VWDE: variants seen among roughly 807,000 people sequenced by gnomAD.
VWDE encodes the protein von Willebrand factor D and EGF domains, also known as von Willebrand factor D and EGF domain-containing protein.
Under a neutral mutation model 178.4 loss-of-function variants are expected in VWDE, and 207 were observed. That is an observed-to-expected ratio of 1.16 (90% CI 1.04 to 1.30). The LOEUF (loss-of-function observed/expected upper bound fraction) is 1.30, where lower values mean the gene tolerates loss of function less well. VWDE is among the 50% of genes most tolerant of loss of function. VWDE has a pLI of 0.00. For synonymous variants in VWDE, 738 were observed against 651.4 expected (o/e 1.13, Z -2.02); for missense variants, 2,287 against 1,901.3 (o/e 1.20, Z -3.77).
rs147468200 is a variant in VWDE at position 12,331,660 on chromosome 7, T to C, written c.4759-463A>G. Among the ~76,000 whole-genome samples, 227 of 152,218 alleles carry C rather than the reference T, an allele frequency of 1.5e-3. 1 individual carries two copies. Among genetic ancestry groups the C allele is most frequent in the African/African-American group, 5.1e-3 (211 of 41,546 alleles). ...CACCACTCTAGGTACTTCACATATA[T>C]TAACATATTTAATCCTTACAATAAG... On this transcript the variant is annotated intron_variant, in intron 28 of 28. Coordinates refer to ENST00000275358, the MANE Select transcript of VWDE (RefSeq NM_001135924.3).
chr7:12,380,813 T>C, intron 4 of VWDE, 80 bp from the exon 5 acceptor site: 1 of 1,461,076 alleles, frequency 6.8e-7, no homozygotes, highest in Non-Finnish European at 9.1e-7. Context: ...TCAAAGACTA[T>C]AACTCTGTGG....
chr7:12,338,759 C>T (rs73292378), intron 24 of VWDE, among the ~76,000 whole-genome samples: 2,365 of 152,170 alleles, frequency 0.016, 52 homozygotes, highest in African/African-American at 0.054. Context: ...ATGTGAAATC[C>T]AAGAGGTGAA....
intron 6 of VWDE, 111 bp downstream of exon 6, chr7:12,379,366 C>A: frequency 4.6e-6 from 3 of 648,274 alleles, no homozygotes; most frequent in South Asian, 3.9e-5. Flanking sequence ...TGGGTCTCAA[C>A]ATTCCGATTC....
intron 10 of VWDE, 23 bp from the exon 11 acceptor site, chr7:12,370,887 G>T (rs1783159419): frequency 3.4e-6 from 5 of 1,468,986 alleles, no homozygotes; most frequent in Non-Finnish European, 4.5e-6. Context: ...AATAAATACA[G>T]AAATAAAAGA....
chr7:12,368,834 G>C (rs1783001236), intron 12 of VWDE, among the ~76,000 whole-genome samples: 1 of 152,092 alleles, frequency 6.6e-6, no homozygotes, highest in Non-Finnish European at 1.5e-5. Context: ...TTTGAAGCTG[G>C]AGCTGGATTT....
chr7:12,395,458 C>A (rs902254381), intron 1 of VWDE, among the ~76,000 whole-genome samples: 1 of 152,096 alleles, frequency 6.6e-6, no homozygotes, highest in Non-Finnish European at 1.5e-5. Context: ...CCTTACTCAG[C>A]ACCTTTGTAG....
intron 16 of VWDE, among the ~76,000 whole-genome samples, 176 bp downstream of exon 16, chr7:12,359,402 T>C (rs1342033698): frequency 6.6e-6 from 1 of 152,202 alleles, no homozygotes; most frequent in Non-Finnish European, 1.5e-5. Context: ...AATCCTTTCC[T>C]AATCAAATAT....
chr7:12,337,311 A>G (rs1781097355), intron 24 of VWDE, 39 bp from the exon 25 acceptor site: 2 of 1,467,064 alleles, frequency 1.4e-6, no homozygotes, highest in East Asian at 2.5e-5. Flanking sequence ...AATATTACAC[A>G]TCCCATTACT....
rs6967241 is a variant in VWDE, at chr7:12,379,482, A to T, written c.874T>A (p.Phe292Ile). ...AIESQEFFAG[F>I]KLQPELSTIS... Reference sequence around the variant, plus strand: ...GCATCCCCACTGCTGCGTACCTTAAAGCCTGCAAAAAATTCTTGGCTTTCG... The same window carrying T: ...GCATCCCCACTGCTGCGTACCTTAATGCCTGCAAAAAATTCTTGGCTTTCG... Residue 292 changes from phenylalanine to isoleucine, a missense_variant, in exon 6 of 29, where the codon TTT (phenylalanine) becomes ATT (isoleucine). Phe to Ile is a conservative substitution (Grantham distance 21). Coordinates refer to ENST00000275358, the MANE Select transcript of VWDE (RefSeq NM_001135924.3). 0.69 allele frequency: 1,065,287 copies of T among 1,546,690 alleles called. 369,841 individuals are homozygous for T. Among genetic ancestry groups the T allele is most frequent in the Non-Finnish European group, 0.71 (807,183 of 1,143,932 alleles).
At chr7:12,359,816 C>T (rs530945923) in intron 15 of VWDE, 124 bp from the exon 16 acceptor site, 17 of 571,588 alleles carry the variant, frequency 3.0e-5, no homozygotes, top group African/African-American at 1.1e-4. Flanking sequence ...TATTTTGATA[C>T]TTCATAATCG....
chr7:12,399,695 C>G (rs1051549809), intron 1 of VWDE, among the ~76,000 whole-genome samples: 5 of 152,122 alleles, frequency 3.3e-5, no homozygotes, highest in African/African-American at 9.6e-5. Context: ...TAAATTTAAA[C>G]AGAAAGCTGG....
intron 15 of VWDE, among the ~76,000 whole-genome samples, chr7:12,360,105 A>C (rs1287058000): frequency 6.6e-6 from 1 of 152,120 alleles, no homozygotes; most frequent in Non-Finnish European, 1.5e-5. Context: ...CTAGCAGCCC[A>C]CTGTGTTCTG....
intron 12 of VWDE, among the ~76,000 whole-genome samples, chr7:12,368,472 G>A (rs539423281): frequency 6.6e-6 from 1 of 152,192 alleles, no homozygotes; most frequent in East Asian, 1.9e-4. Context: ...AGAGGGAGCA[G>A]TGAGTGCAAA....
chr7:12,343,159 A>T lies in VWDE; in HGVS notation c.4098T>A (p.Cys1366Ter). The T allele has an allele frequency of 1.3e-6, 2 of 1,549,510 alleles. No homozygotes were observed. Among genetic ancestry groups the T allele is most frequent in the Non-Finnish European group, 1.7e-6 (2 of 1,145,472 alleles). ...TCDEEHCNPP[C>*]QHGGTCLAGN... ...CAGCCAAGCATGTGCCACCATGTTG[A>T]CAAGGTGGGTTACAATGTTCTGCAG... The change falls in exon 22 of 29, where the codon TGT becomes TGA. Residue 1366 changes from cysteine to a stop codon, truncating the protein, a stop_gained. Coordinates refer to ENST00000275358, the MANE Select transcript of VWDE (RefSeq NM_001135924.3). LOFTEE classifies it high-confidence loss of function.
rs902084948 is a variant in VWDE at position 12,373,244 on chromosome 7, T to C, written c.1320A>G (p.Val440=). 7.1e-6 allele frequency: 11 copies of C among 1,549,666 alleles called. No homozygotes were observed. The highest frequency in any genetic ancestry group is 4.9e-5 in the East Asian group (2 of 40,894). ...DPHIITFDGR[V]YDNFKTGTFV... ...ATGTTCCAGTCTTGAAATTATCATA[T>C]ACCCTATCATTAACAAAAGGCAATT... The change falls in exon 10 of 29, where the codon GTA becomes GTG. Residue 440 remains valine, a synonymous_variant. Coordinates refer to ENST00000275358, the MANE Select transcript of VWDE (RefSeq NM_001135924.3).
chr7:12,388,729 G>T, intron 3 of VWDE: 1 of 326,988 alleles, frequency 3.1e-6, no homozygotes, highest in Non-Finnish European at 6.1e-6. Flanking sequence ...TTCTGGCACA[G>T]GATAAACATT....
At chr7:12,358,675 G>T (rs919642675) in intron 16 of VWDE, among the ~76,000 whole-genome samples, 1 of 152,124 alleles carries the variant, frequency 6.6e-6, no homozygotes, top group African/African-American at 2.4e-5. Context: ...CAATATGAGA[G>T]ATTTAAAAGA....
rs1448002733 is a variant in VWDE, at chr7:12,389,286, C to T, written c.316G>A (p.Glu106Lys). The change falls in exon 3 of 29, where the codon GAG becomes AAG. Residue 106 changes from glutamate (E) to lysine (K), a missense_variant. Coordinates refer to ENST00000275358, the MANE Select transcript of VWDE (RefSeq NM_001135924.3). ...GCACAAGCTGTCAATTGCTTGATCT[C>T]CCCAGGAGATGGCAGTGTTTCTGAA... ...RDSETLPSPGEIKQLTACATW... is the reference protein window; with the variant it reads ...RDSETLPSPGKIKQLTACATW... 1 of 1,551,594 alleles carries T rather than the reference C, an allele frequency of 6.4e-7. No homozygotes were observed. The highest frequency in any genetic ancestry group is 2.0e-5 in the Admixed American group (1 of 50,986).
At chr7:12,370,549 A>G (rs768954683) in intron 11 of VWDE, 40 bp from the exon 12 acceptor site, 3 of 1,528,074 alleles carry the variant, frequency 2.0e-6, no homozygotes, top group South Asian at 1.2e-5. Flanking sequence ...AATTTTGTAC[A>G]TAAACATTTG....
Sources: allele counts gnomAD v4.1 joint callset (sites outside exome capture counted in the v4.1 genomes callset), GRCh38; gene constraint gnomAD v4.1.1; transcripts MANE v1.5; gene names NCBI Gene and HGNC (gene_info 2026-07-23, HGNC 2026-07-21).